The following RANBP2 variants were observed in gnomAD, a reference collection of about 807,000 sequenced individuals.
RANBP2 encodes RAN binding protein 2, also known as E3 SUMO-protein ligase RanBP2.
A neutral mutation model predicts 303.6 loss-of-function variants in RANBP2; 57 were observed. That is an observed-to-expected ratio of 0.19 (90% confidence interval 0.15 to 0.23). The LOEUF is 0.23. RANBP2 is among the 10% of genes least tolerant of loss of function. The pLI is 1.00. For synonymous variants in RANBP2, 1,167 were observed against 1,301.5 expected, an observed-to-expected ratio of 0.90 and a Z score of 2.23; for missense variants, 3,138 against 3,780.8, an observed-to-expected ratio of 0.83 and a Z score of 4.46.
chr2:109,476,769 G>A, the RANBP2 span, among the ~76,000 whole-genome samples: 1 of 152,316 alleles, frequency 6.6e-6, no homozygotes, highest in Admixed American at 6.5e-5. Context: ...CAGCCCTGAG[G>A]GCTGCTGGTT....
At chr2:108,804,943 G>A in the RANBP2 span, 1 of 1,573,956 alleles carries the variant, frequency 6.4e-7, no homozygotes, top group Admixed American at 2.0e-5. Flanking sequence ...AAAGAATAAA[G>A]AAACCAAGAG....
chr2:109,060,413 T>C, the RANBP2 span, among the ~76,000 whole-genome samples: 1 of 152,112 alleles, frequency 6.6e-6, no homozygotes. Flanking sequence ...TGAATGTTGA[T>C]AGAACTTCCA....
chr2:108,961,846 C>T, the RANBP2 span, among the ~76,000 whole-genome samples: 1 of 152,186 alleles, frequency 6.6e-6, no homozygotes, highest in African/African-American at 2.4e-5. Flanking sequence ...ACACTAATGG[C>T]CCCTGTGCTG....
At chr2:108,749,671 T>C (rs1001645707) in intron 9 of RANBP2, among the ~76,000 whole-genome samples, 6 of 152,178 alleles carry the variant, frequency 3.9e-5, no homozygotes, top group Non-Finnish European at 5.9e-5. Flanking sequence ...AGGTCACTGA[T>C]ACCTTGAACT....
the RANBP2 span, among the ~76,000 whole-genome samples, chr2:109,517,640 A>G: frequency 1.3e-5 from 2 of 152,072 alleles, no homozygotes; most frequent in African/African-American, 4.8e-5. Context: ...ACGCCTGCAG[A>G]CCCCACGGCT....
chr2:109,094,027 G>A, the RANBP2 span, among the ~76,000 whole-genome samples: 24 of 152,302 alleles, frequency 1.6e-4, no homozygotes, highest in East Asian at 1.7e-3. Context: ...AAATTACTCC[G>A]CATTACGAGA....
chr2:108,993,396 G>A, the RANBP2 span, among the ~76,000 whole-genome samples: 1 of 152,174 alleles, frequency 6.6e-6, no homozygotes, highest in Non-Finnish European at 1.5e-5. Flanking sequence ...TCCACGTGGG[G>A]GCTGGACAAA....
At chr2:108,832,127 TCAAG>T in the RANBP2 span, among the ~76,000 whole-genome samples, 20 of 152,082 alleles carry the variant, frequency 1.3e-4, no homozygotes, top group South Asian at 4.2e-3. Context: ...CCTCCTGGGT[TCAAG>T]CAGTTCTTCT....
chr2:108,955,350 T>G, the RANBP2 span, among the ~76,000 whole-genome samples: 3 of 152,334 alleles, frequency 2.0e-5, no homozygotes, highest in East Asian at 1.9e-4. Context: ...ATGGAAGAAT[T>G]GTAAAATAAA....
intron 1 of RANBP2, among the ~76,000 whole-genome samples, chr2:108,727,478 CA>C (rs1243724078): frequency 4.6e-5 from 7 of 151,924 alleles, no homozygotes; most frequent in African/African-American, 1.7e-4. Flanking sequence ...CGATTGACGG[CA>C]ACCTGGTTTG....
chr2:109,040,497 A>G, the RANBP2 span, among the ~76,000 whole-genome samples: 1 of 152,218 alleles, frequency 6.6e-6, no homozygotes, highest in African/African-American at 2.4e-5. Flanking sequence ...ACACACACAG[A>G]AAATCTATTG....
At chr2:109,421,436 G>C in the RANBP2 span, among the ~76,000 whole-genome samples, 11 of 152,218 alleles carry the variant, frequency 7.2e-5, no homozygotes, top group Admixed American at 7.2e-4. Flanking sequence ...ACCCAAGAAG[G>C]CTTCTCTGTC....
the RANBP2 span, among the ~76,000 whole-genome samples, chr2:108,841,924 T>C: frequency 1.1e-3 from 167 of 152,332 alleles, no homozygotes; most frequent in African/African-American, 4.0e-3. Flanking sequence ...TTTCTAATAG[T>C]TCTTCTTGGT....
chr2:109,249,576 C>CT, the RANBP2 span, among the ~76,000 whole-genome samples: 4 of 116,916 alleles, frequency 3.4e-5, no homozygotes, highest in African/African-American at 1.5e-4. Flanking sequence ...TCCTTCCTTC[C>CT]TTCCTTCCTT....
the RANBP2 span, among the ~76,000 whole-genome samples, chr2:108,927,951 T>G: frequency 1.3e-5 from 2 of 152,118 alleles, no homozygotes; most frequent in Non-Finnish European, 2.9e-5. Flanking sequence ...CAGTGCTGTC[T>G]TTCAGGGGGC....
the RANBP2 span, among the ~76,000 whole-genome samples, chr2:109,477,557 G>A: frequency 6.6e-6 from 1 of 152,212 alleles, no homozygotes; most frequent in African/African-American, 2.4e-5. Flanking sequence ...TAAAGGGACT[G>A]GGGTCACAGC....
the RANBP2 span, among the ~76,000 whole-genome samples, chr2:109,143,590 A>G: frequency 6.6e-6 from 1 of 152,036 alleles, no homozygotes; most frequent in African/African-American, 2.4e-5. Context: ...AAAAAATAAA[A>G]AAAGAAAAAA....
chr2:109,616,175 C>A, the RANBP2 span: 12 of 1,391,652 alleles, frequency 8.6e-6, no homozygotes, highest in Non-Finnish European at 1.0e-5. Context: ...TGCATTCTTA[C>A]TTGAGGGATC....
chr2:108,811,504 A>G, the RANBP2 span, among the ~76,000 whole-genome samples: 1 of 151,722 alleles, frequency 6.6e-6, no homozygotes, highest in African/African-American at 2.4e-5. Context: ...CACCCTCCCA[A>G]AGTGCTGGGA....
Sources: allele counts gnomAD v4.1 joint callset (sites outside exome capture counted in the v4.1 genomes callset), GRCh38; gene constraint gnomAD v4.1.1; transcripts MANE v1.5; gene names NCBI Gene and HGNC (gene_info 2026-07-23, HGNC 2026-07-21).